HDAC9: variants seen among roughly 807,000 people sequenced by gnomAD.
The protein encoded by HDAC9 is histone deacetylase 9.
In HDAC9, 41 loss-of-function variants were observed where a neutral mutation model predicts 139.4. That is an observed-to-expected ratio of 0.29 (90% CI 0.23 to 0.38). The LOEUF (loss-of-function observed/expected upper bound fraction) is 0.38, where lower values mean the gene tolerates loss of function less well. Among genes scored for constraint, HDAC9 ranks in the 10% least tolerant of loss-of-function variants. The pLI is 1.00. For missense variants in HDAC9, 1,147 were observed against 1,297.0 expected, an observed-to-expected ratio of 0.88 and a Z score of 1.78; for synonymous variants, 517 against 476.2, an observed-to-expected ratio of 1.09 and a Z score of -1.12.
intron 13 of HDAC9, among the ~76,000 whole-genome samples, chr7:18,744,278 C>T (rs1460643965): frequency 1.3e-5 from 2 of 152,090 alleles, no homozygotes; most frequent in African/African-American, 2.4e-5. Context: ...AGGCGTGAGC[C>T]ACCGCGCCCG....
chr7:18,600,985 G>A (rs551178034), intron 6 of HDAC9, among the ~76,000 whole-genome samples: 4 of 152,008 alleles, frequency 2.6e-5, no homozygotes, highest in Non-Finnish European at 5.9e-5. Context: ...TGTATTTTTC[G>A]TAGAGATGGA....
At chr7:18,201,589 A>G (rs940738591) in intron 2 of HDAC9, among the ~76,000 whole-genome samples, 15 of 152,308 alleles carry the variant, frequency 9.8e-5, no homozygotes, top group South Asian at 2.1e-4. Flanking sequence ...GAGAGACTCC[A>G]GGAACCAAGG....
intron 22 of HDAC9, among the ~76,000 whole-genome samples, chr7:18,907,922 G>A (rs1044782535): frequency 6.6e-6 from 1 of 151,948 alleles, no homozygotes; most frequent in African/African-American, 2.4e-5. Context: ...ATTTTATTCT[G>A]TACACATACT....
At chr7:18,092,763 C>A (rs755849096) in intron 1 of HDAC9, among the ~76,000 whole-genome samples, 1 of 152,224 alleles carries the variant, frequency 6.6e-6, no homozygotes, top group Middle Eastern at 3.4e-3. Context: ...ATGATGACTT[C>A]TTGGAAGAGA....
chr7:18,143,944 C>T (rs960503152), intron 1 of HDAC9, among the ~76,000 whole-genome samples: 3 of 151,996 alleles, frequency 2.0e-5, no homozygotes, highest in African/African-American at 7.2e-5. Flanking sequence ...AAGCCTAAAT[C>T]GACATGGATC....
chr7:18,782,806 T>C (rs948316507), intron 16 of HDAC9, among the ~76,000 whole-genome samples: 1 of 152,066 alleles, frequency 6.6e-6, no homozygotes, highest in African/African-American at 2.4e-5. Context: ...ATGCTAACAA[T>C]AATCCTATGA....
In HDAC9 at chr7:18,733,231, A is replaced by G. The variant is rs376313121; in HGVS notation, c.1909+5474A>G. On this transcript the variant is annotated intron_variant, in intron 13 of 25. Transcript: ENST00000686413. ...CATGTGTCTATACGTATATACACAT[A>G]TATACATGTGTATATATGTATATAA... Among the ~76,000 whole-genome samples the G allele has an allele frequency of 7.4e-5, 11 of 148,970 alleles. No individual in the cohort carries two copies. In the East Asian group the frequency reaches 8.0e-4, roughly 11 times the overall value.
At chr7:18,471,267 C>A (rs1794700983) in intron 1 of HDAC9, among the ~76,000 whole-genome samples, 3 of 152,150 alleles carry the variant, frequency 2.0e-5, no homozygotes, top group Admixed American at 2.0e-4. Flanking sequence ...TATTACTTCA[C>A]TCTCGGCATA....
chr7:18,674,248 C>T (rs1584812875), intron 12 of HDAC9, among the ~76,000 whole-genome samples: 1 of 152,028 alleles, frequency 6.6e-6, no homozygotes, highest in East Asian at 1.9e-4. Flanking sequence ...CCCCCTTTTA[C>T]ATCAGTGTGA....
chr7:18,095,308 G>T (rs902998924), intron 1 of HDAC9, among the ~76,000 whole-genome samples: 1 of 152,070 alleles, frequency 6.6e-6, no homozygotes, highest in Admixed American at 6.6e-5. Context: ...CTTACAAATG[G>T]AATTCTAGTA....
At chr7:18,196,401 A>G (rs1323497452) in intron 2 of HDAC9, among the ~76,000 whole-genome samples, 2 of 152,178 alleles carry the variant, frequency 1.3e-5, no homozygotes, top group East Asian at 1.9e-4. Context: ...GCTTCAGACA[A>G]ACCTGGGCAA....
intron 2 of HDAC9, among the ~76,000 whole-genome samples, chr7:18,202,342 T>C (rs1240706728): frequency 6.6e-6 from 1 of 152,218 alleles, no homozygotes; most frequent in African/African-American, 2.4e-5. Flanking sequence ...TACTTACTTA[T>C]GAGAGCCCAG....
intron 1 of HDAC9, among the ~76,000 whole-genome samples, chr7:18,295,745 G>A (rs1798099975): frequency 6.6e-6 from 1 of 152,118 alleles, no homozygotes; most frequent in South Asian, 2.1e-4. Flanking sequence ...TCAACCGGGG[G>A]CAGTTTGGTA....
At chr7:18,089,956 G>A (rs1428390320) in intron 1 of HDAC9, among the ~76,000 whole-genome samples, 1 of 151,856 alleles carries the variant, frequency 6.6e-6, no homozygotes, top group Non-Finnish European at 1.5e-5. Flanking sequence ...TTGTATTACT[G>A]TTTAAGTTGG....
At chr7:18,678,618 G>A (rs1440046415) in intron 12 of HDAC9, among the ~76,000 whole-genome samples, 1 of 151,780 alleles carries the variant, frequency 6.6e-6, no homozygotes, top group Non-Finnish European at 1.5e-5. Context: ...AAGATCTGGA[G>A]GTTTTCACAT....
At chr7:18,869,764 A>G (rs1278544997) in intron 21 of HDAC9, among the ~76,000 whole-genome samples, 1 of 152,100 alleles carries the variant, frequency 6.6e-6, no homozygotes, top group African/African-American at 2.4e-5. Flanking sequence ...GAGAGCAGAG[A>G]AAAAAACACC....
intron 22 of HDAC9, chr7:18,892,095 G>A (rs1319330426): frequency 6.6e-6 from 1 of 152,154 alleles, no homozygotes; most frequent in Non-Finnish European, 1.5e-5. Flanking sequence ...AGGGGAAATA[G>A]TGAGCTTTCA....
chr7:18,956,243 C>A (rs1054829916), intron 24 of HDAC9, among the ~76,000 whole-genome samples: 1 of 152,004 alleles, frequency 6.6e-6, no homozygotes, highest in African/African-American at 2.4e-5. Flanking sequence ...TAATGAGTAC[C>A]CCACCCAGCT....
At chr7:18,660,831 AAG>A (rs1048212189) in intron 11 of HDAC9, among the ~76,000 whole-genome samples, 2 of 152,098 alleles carry the variant, frequency 1.3e-5, no homozygotes, top group Non-Finnish European at 2.9e-5. Context: ...GCATGTGAGA[AAG>A]AGAGAACAAG....
Sources: gnomAD v4.1 joint callset for allele counts (sites outside exome capture counted in the v4.1 genomes callset) on GRCh38, gnomAD v4.1.1 for gene constraint, MANE v1.5 for transcripts, NCBI Gene and HGNC (gene_info 2026-07-23, HGNC 2026-07-21) for gene names.